Variants in ANO4 observed in about 807,000 individuals in gnomAD.
ANO4 encodes anoctamin 4.
ANO4 carries 69 observed loss-of-function variants against 141.9 expected under a neutral mutation model. The ratio of observed to expected loss-of-function variants is 0.49; its 90% CI spans 0.40 to 0.59. ANO4 has a LOEUF of 0.59. Among genes scored for constraint, ANO4 ranks in the 20% least tolerant of loss-of-function variants. The pLI is 0.00. For synonymous variants in ANO4, 350 were observed against 394.3 expected (o/e 0.89, Z 1.33); for missense variants, 894 against 1,162.2 (o/e 0.77, Z 3.36).
chr12:100,764,942 A>C (rs1328093890), intron 3 of ANO4, among the ~76,000 whole-genome samples: 1 of 152,144 alleles, frequency 6.6e-6, no homozygotes, highest in Admixed American at 6.5e-5. Flanking sequence ...TAGTGTCCTC[A>C]TCTGGCTTTG....
chr12:101,126,611 G>C (rs144148045), intron 26 of ANO4, among the ~76,000 whole-genome samples: 2 of 152,160 alleles, frequency 1.3e-5, no homozygotes, highest in Non-Finnish European at 2.9e-5. Flanking sequence ...TGACTCCACA[G>C]AATACATTCT....
intron 3 of ANO4, among the ~76,000 whole-genome samples, chr12:100,750,802 A>G (rs951086622): frequency 6.6e-6 from 1 of 152,152 alleles, no homozygotes; most frequent in Admixed American, 6.6e-5. Flanking sequence ...ACCAAATGAA[A>G]ATCCCAGCAA....
intron 1 of ANO4, among the ~76,000 whole-genome samples, chr12:100,894,898 G>A (rs898717162): frequency 7.0e-4 from 104 of 149,558 alleles, no homozygotes; most frequent in Non-Finnish European, 1.1e-3. Flanking sequence ...CCCGGGAGGC[G>A]GAGCTTGCAG....
chr12:100,799,415 C>A (rs1255154971), intron 1 of ANO4, among the ~76,000 whole-genome samples: 1 of 152,104 alleles, frequency 6.6e-6, no homozygotes, highest in Non-Finnish European at 1.5e-5. Context: ...ATCTGCTTAT[C>A]CTGGCACATT....
intron 2 of ANO4, among the ~76,000 whole-genome samples, chr12:100,738,477 C>T (rs186122632): frequency 1.3e-5 from 2 of 151,988 alleles, no homozygotes; most frequent in African/African-American, 4.8e-5. Flanking sequence ...TAGAAATTTC[C>T]TAAACAAAAA....
At chr12:100,771,513 G>A (rs1334982280) in intron 3 of ANO4, among the ~76,000 whole-genome samples, 1 of 152,140 alleles carries the variant, frequency 6.6e-6, no homozygotes, top group East Asian at 1.9e-4. Flanking sequence ...CCCATGGACT[G>A]GTATACTTGT....
intron 1 of ANO4, among the ~76,000 whole-genome samples, chr12:100,719,952 T>C (rs1197501561): frequency 6.6e-6 from 1 of 152,184 alleles, no homozygotes; most frequent in Non-Finnish European, 1.5e-5. Context: ...GGTAAAAATA[T>C]GTTCAATGAA....
At chr12:100,729,126 A>G (rs1391757275) in intron 1 of ANO4, among the ~76,000 whole-genome samples, 1 of 152,108 alleles carries the variant, frequency 6.6e-6, no homozygotes, top group Non-Finnish European at 1.5e-5. Context: ...TTATAAGTGG[A>G]TTCACAGATA....
chr12:100,800,588 G>A (rs1399718387), intron 1 of ANO4, among the ~76,000 whole-genome samples: 1 of 152,178 alleles, frequency 6.6e-6, no homozygotes, highest in African/African-American at 2.4e-5. Flanking sequence ...TTCTGATTTT[G>A]TGACCTGACT....
At chr12:101,068,754 T>G in intron 14 of ANO4, 1 of 1,279,390 alleles carries the variant, frequency 7.8e-7, no homozygotes, top group Admixed American at 1.7e-5. Flanking sequence ...ATGACTATAT[T>G]CACACTGCAG....
intron 5 of ANO4, among the ~76,000 whole-genome samples, chr12:100,958,960 G>A (rs1403231199): frequency 6.6e-6 from 1 of 152,122 alleles, no homozygotes; most frequent in Non-Finnish European, 1.5e-5. Flanking sequence ...ATTTTAAATA[G>A]GGTGTTGGGT....
intron 2 of ANO4, among the ~76,000 whole-genome samples, chr12:100,909,498 A>G (rs2041004966): frequency 6.6e-6 from 1 of 152,230 alleles, no homozygotes; most frequent in African/African-American, 2.4e-5. Context: ...AAGAATGCCC[A>G]CTACAGGGAC....
At chr12:100,719,338 G>T (rs1441310129) in intron 1 of ANO4, among the ~76,000 whole-genome samples, 3 of 152,040 alleles carry the variant, frequency 2.0e-5, no homozygotes, top group African/African-American at 7.2e-5. Context: ...AGTCCATCAG[G>T]GTTTTCAACC....
intron 1 of ANO4, among the ~76,000 whole-genome samples, chr12:100,799,286 A>T (rs1170589336): frequency 4.6e-5 from 7 of 152,190 alleles, no homozygotes; most frequent in Non-Finnish European, 1.0e-4. Context: ...AGTAGGCTGT[A>T]ACTTCCTTTG....
intron 3 of ANO4, among the ~76,000 whole-genome samples, chr12:100,780,688 T>C (rs953678222): frequency 2.6e-5 from 4 of 152,110 alleles, no homozygotes; most frequent in African/African-American, 7.2e-5. Context: ...TTTTGATCAA[T>C]AGAGTCCTGA....
chr12:100,812,850 G>C (rs1180120745), intron 1 of ANO4, among the ~76,000 whole-genome samples: 2 of 152,216 alleles, frequency 1.3e-5, no homozygotes, highest in African/African-American at 4.8e-5. Context: ...TGTGTTAATA[G>C]CATTGCCTCA....
At chr12:100,981,050 G>A (rs2044437139) in intron 7 of ANO4, among the ~76,000 whole-genome samples, 2 of 152,158 alleles carry the variant, frequency 1.3e-5, no homozygotes, top group Admixed American at 6.5e-5. Flanking sequence ...GATCCTGGGT[G>A]AGGCTTGACA....
chr12:101,123,659 T>G (rs969576958), intron 26 of ANO4, among the ~76,000 whole-genome samples: 2 of 152,214 alleles, frequency 1.3e-5, no homozygotes, highest in Non-Finnish European at 2.9e-5. Flanking sequence ...CTCATCCCTT[T>G]TTATGGTTGC....
intron 3 of ANO4, among the ~76,000 whole-genome samples, chr12:100,758,882 G>C (rs113253340): frequency 1.8e-4 from 28 of 152,088 alleles, no homozygotes; most frequent in African/African-American, 6.3e-4. Context: ...TTCTACCTCT[G>C]TCTACACATG....
Sources: gnomAD v4.1 joint callset for allele counts (sites outside exome capture counted in the v4.1 genomes callset) on GRCh38, gnomAD v4.1.1 for gene constraint, MANE v1.5 for transcripts, NCBI Gene and HGNC (gene_info 2026-07-23, HGNC 2026-07-21) for gene names.